IGF1R: variants seen among roughly 807,000 people sequenced by gnomAD.
IGF1R encodes insulin like growth factor 1 receptor, also known as insulin-like growth factor 1 receptor.
Under a neutral mutation model 144.6 loss-of-function variants are expected in IGF1R, and 44 were observed. That is an observed-to-expected ratio of 0.30 (90% CI 0.24 to 0.39). The LOEUF (loss-of-function observed/expected upper bound fraction) is 0.39. Among genes scored for constraint, IGF1R ranks in the 10% least tolerant of loss-of-function variants. The pLI is 1.00. For missense variants in IGF1R, 1,355 were observed against 1,833.7 expected (o/e 0.74, Z 4.77); for synonymous variants, 795 against 722.8 (o/e 1.10, Z -1.60).
chr15:98,771,140 A>C (rs2055573334), intron 2 of IGF1R, among the ~76,000 whole-genome samples: 1 of 152,200 alleles, frequency 6.6e-6, no homozygotes, highest in Admixed American at 6.5e-5. Context: ...AGGGGGAGTC[A>C]GTTGTGGCAC....
At chr15:98,806,521 G>C (rs925236035) in intron 2 of IGF1R, among the ~76,000 whole-genome samples, 1 of 151,570 alleles carries the variant, frequency 6.6e-6, no homozygotes, top group Non-Finnish European at 1.5e-5. Flanking sequence ...TTGAATAGTA[G>C]GAGACTCTCT....
intron 2 of IGF1R, among the ~76,000 whole-genome samples, chr15:98,845,637 G>C (rs2011300833): frequency 6.7e-6 from 1 of 149,818 alleles, no homozygotes; most frequent in Non-Finnish European, 1.5e-5. Context: ...GGCCTGTGCG[G>C]CACTTTGTTT....
chr15:98,924,691 C>CT lies in IGF1R; in HGVS notation c.2782+9dup, dbSNP rs1322828585. 1.2e-6 allele frequency: 2 copies of CT among 1,611,414 alleles called. No homozygotes were observed. The highest frequency in any genetic ancestry group is 4.5e-5 in the East Asian group (2 of 44,770). ...TTCTATGTCCAGGCCAAAAGTAAGG[C>CT]TTGTGGAGGGAGAAGAAACGTGGTA... On this transcript the variant is annotated splice_region_variant and intron_variant, in intron 13 of 20. Transcript: ENST00000650285.
At chr15:98,775,761 G>A (rs2055697377) in intron 2 of IGF1R, among the ~76,000 whole-genome samples, 1 of 152,206 alleles carries the variant, frequency 6.6e-6, no homozygotes, top group Admixed American at 6.5e-5. Flanking sequence ...AGCTCACAGG[G>A]CTGGGCCCCA....
chr15:98,770,274 G>A (rs1009525355), intron 2 of IGF1R, among the ~76,000 whole-genome samples: 2 of 152,194 alleles, frequency 1.3e-5, no homozygotes, highest in African/African-American at 4.8e-5. Context: ...TCACGTATAC[G>A]TGGGAGCAAA....
Position 98,794,266 on chromosome 15 carries a change from G to A in IGF1R, c.640+86159G>A, listed in dbSNP as rs538369972. 7.0e-4 allele frequency among the ~76,000 whole-genome samples: 106 copies of A among 152,282 alleles called. 1 individual carries two copies. The highest frequency in any genetic ancestry group is 2.5e-3 in the African/African-American group (104 of 41,556). On this transcript the variant is annotated intron_variant, in intron 2 of 20. Transcript: ENST00000650285. The stretch of plus-strand genomic sequence containing the variant: ...GGCCTTTATTAGATGGCCCTCAAAG[G>A]TACTTTTCAGGTGGACATTGATTTC...
chr15:98,852,940 T>C (rs2011601914), intron 2 of IGF1R, among the ~76,000 whole-genome samples: 1 of 152,214 alleles, frequency 6.6e-6, no homozygotes, highest in Non-Finnish European at 1.5e-5. Flanking sequence ...TTTATTGCTC[T>C]CCATGTGGGA....
intron 10 of IGF1R, among the ~76,000 whole-genome samples, chr15:98,917,279 C>G (rs1300829360): frequency 2.0e-5 from 3 of 152,212 alleles, no homozygotes; most frequent in Non-Finnish European, 4.4e-5. Context: ...CTCTCTCAGC[C>G]TCACAGAGGA....
intron 2 of IGF1R, among the ~76,000 whole-genome samples, chr15:98,814,554 C>T (rs2056656723): frequency 6.6e-6 from 1 of 152,154 alleles, no homozygotes; most frequent in Admixed American, 6.5e-5. Context: ...CACCGTGTTG[C>T]CGGGGTTAGT....
rs912004557 is a variant in IGF1R, at chr15:98,962,179, T to C, written c.*4737T>C. 4 of 233,236 alleles carry C rather than the reference T, an allele frequency of 1.7e-5. No homozygotes were observed. Among genetic ancestry groups the C allele is most frequent in the Non-Finnish European group, 3.4e-5 (4 of 118,074 alleles). The allele number at this position is 233,236 out of a possible 1,614,324, so 14.4% of individuals were successfully genotyped here. Reference sequence around the variant, plus strand: ...TTGTCTAGTGTTCTTAGCTGTCACGTTGGCTCCTTCCAGGGTGGCCAGACG... The same window carrying C: ...TTGTCTAGTGTTCTTAGCTGTCACGCTGGCTCCTTCCAGGGTGGCCAGACG... On this transcript the variant is annotated 3_prime_UTR_variant, in exon 21 of 21. Coordinates refer to ENST00000650285, the MANE Select transcript of IGF1R (RefSeq NM_000875.5).
rs140558297 is a variant in IGF1R, at chr15:98,901,607, C to T, written c.1247+1986C>T. ...TTCTGCAAGAAGGGAAGAGTCAGAG[C>T]GAGAAAGAGAAGGACAGGATACGAT... On this transcript the variant is annotated intron_variant, in intron 5 of 20. Coordinates refer to ENST00000650285, the MANE Select transcript of IGF1R (RefSeq NM_000875.5). 2.1e-3 allele frequency among the ~76,000 whole-genome samples: 322 copies of T among 152,160 alleles called. 2 individuals are homozygous for T. The highest frequency in any genetic ancestry group is 7.5e-3 in the African/African-American group (310 of 41,486).
intron 2 of IGF1R, among the ~76,000 whole-genome samples, chr15:98,711,714 G>T (rs748262811): frequency 2.6e-5 from 4 of 152,134 alleles, no homozygotes; most frequent in Non-Finnish European, 5.9e-5. Flanking sequence ...CCCCACAGGT[G>T]CCGCTTCTCT....
rs45624137 is a variant in IGF1R, at chr15:98,682,695, G to A, written c.95-24867G>A. 4.0e-3 allele frequency among the ~76,000 whole-genome samples: 611 copies of A among 151,938 alleles called. 3 individuals are homozygous for A. The highest frequency in any genetic ancestry group is 0.014 in the African/African-American group (594 of 41,438). On this transcript the variant is annotated intron_variant, in intron 1 of 20. Coordinates refer to ENST00000650285, the MANE Select transcript of IGF1R (RefSeq NM_000875.5). ...TCCAGGTAGCTGGGATTACAGGCAC[G>A]TGCCACCATGCCTGGCTAATTTTTA... is the stretch of plus-strand genomic sequence containing the variant.
chr15:98,939,739 A>C (rs1166601144), intron 18 of IGF1R, among the ~76,000 whole-genome samples: 1 of 152,182 alleles, frequency 6.6e-6, no homozygotes. Flanking sequence ...CAATTTTCCT[A>C]GCTTTTAAGG....
chr15:98,697,939 T>C (rs1393803225), intron 1 of IGF1R, among the ~76,000 whole-genome samples: 1 of 151,950 alleles, frequency 6.6e-6, no homozygotes. Flanking sequence ...TTCGCCATGT[T>C]GGCCAGGCCG....
chr15:98,934,815 C>G lies in IGF1R; in HGVS notation c.2957-9C>G, dbSNP rs955788224. 7 of 1,612,270 alleles carry G rather than the reference C, an allele frequency of 4.3e-6. No individual in the cohort carries two copies. Among genetic ancestry groups the G allele is most frequent in the Non-Finnish European group, 5.9e-6 (7 of 1,178,448 alleles). On this transcript the variant is annotated splice_polypyrimidine_tract_variant and intron_variant, in intron 15 of 20. Transcript: ENST00000650285. ...TCTGTACCTGCTTTAATTACGGTTT[C>G]TTCTCCAGTGTACGTTCCTGATGAG...
At chr15:98,734,487 TA>T (rs45590534) in intron 2 of IGF1R, among the ~76,000 whole-genome samples, 165 of 152,316 alleles carry the variant, frequency 1.1e-3, no homozygotes, top group Middle Eastern at 3.4e-3. Flanking sequence ...TTACAGAGTT[TA>T]TACCCATGGA....
chr15:98,678,860 T>G (rs879907122), intron 1 of IGF1R, among the ~76,000 whole-genome samples: 14 of 151,662 alleles, frequency 9.2e-5, no homozygotes, highest in Non-Finnish European at 1.8e-4. Flanking sequence ...GTGACAGCTT[T>G]AAAAAAGGTC....
chr15:98,840,457 A>G (rs2011154043), intron 2 of IGF1R, among the ~76,000 whole-genome samples: 1 of 152,098 alleles, frequency 6.6e-6, no homozygotes, highest in African/African-American at 2.4e-5. Flanking sequence ...CTGCTTTACC[A>G]TTAAGTTGTT....
Sources: gnomAD v4.1 joint callset for allele counts (sites outside exome capture counted in the v4.1 genomes callset) on GRCh38, gnomAD v4.1.1 for gene constraint, MANE v1.5 for transcripts, NCBI Gene and HGNC (gene_info 2026-07-23, HGNC 2026-07-21) for gene names.